The following ECHDC1 variants were observed in gnomAD, a reference collection of about 807,000 sequenced individuals.
ECHDC1 encodes the protein ethylmalonyl-CoA decarboxylase.
A neutral mutation model predicts 29.7 loss-of-function variants in ECHDC1; 29 were observed. The ratio of observed to expected loss-of-function variants is 0.98; its 90% CI spans 0.73 to 1.33. The LOEUF (loss-of-function observed/expected upper bound fraction) is 1.33, where lower values mean the gene tolerates loss of function less well. ECHDC1 is among the 40% of genes most tolerant of loss of function. The pLI, the probability that ECHDC1 is intolerant of heterozygous loss-of-function variation, is 0.00. For synonymous variants in ECHDC1, 126 were observed against 123.1 expected, an observed-to-expected ratio of 1.02 and a Z score of -0.15; for missense variants, 328 against 350.0, an observed-to-expected ratio of 0.94 and a Z score of 0.50.
chr6:127,319,175 G>C (rs1235406716), intron 3 of ECHDC1, among the ~76,000 whole-genome samples: 1 of 152,162 alleles, frequency 6.6e-6, no homozygotes, highest in East Asian at 1.9e-4. Context: ...GCAGTATGAA[G>C]TAAACGGTTA....
intron 5 of ECHDC1, among the ~76,000 whole-genome samples, chr6:127,291,295 T>TTTA (rs35004473): frequency 6.9e-6 from 1 of 145,596 alleles, no homozygotes; most frequent in Non-Finnish European, 1.5e-5. Flanking sequence ...TTTTTTTTTT[T>TTTA]AAGGAACTGG....
At chr6:127,339,901 A>C (rs1469144664) in intron 1 of ECHDC1, among the ~76,000 whole-genome samples, 1 of 152,130 alleles carries the variant, frequency 6.6e-6, no homozygotes, top group East Asian at 1.9e-4. Flanking sequence ...ATAAATAAAT[A>C]ATCTTTCACT....
rs371878419 is a variant in ECHDC1 at position 127,309,805 on chromosome 6, C to G, written c.497+5011G>C. ...TTTACAATCATGGCAGAAGGCGAAG[C>G]GGAAGCAGGCATATCTTCACATGAC... On this transcript the variant is annotated intron_variant, in intron 5 of 5. Coordinates refer to ENST00000454859, the MANE Select transcript of ECHDC1 (RefSeq NM_001002030.2). Among the ~76,000 whole-genome samples the G allele has an allele frequency of 5.3e-5, 8 of 152,218 alleles. No individual in the cohort carries two copies. The East Asian group carries it at 1.4e-3, about 26-fold the overall frequency.
intron 5 of ECHDC1, among the ~76,000 whole-genome samples, chr6:127,307,648 G>GAAAA (rs71024770): frequency 0.025 from 1,214 of 48,632 alleles, 120 homozygotes; most frequent in African/African-American, 0.075. Flanking sequence ...CTCTGTCTCA[G>GAAAA]AAAAAAAAAA....
In ECHDC1 at chr6:127,330,863, T is replaced by C. The variant is rs1412357849; in HGVS notation, c.166A>G (p.Asn56Asp). ...TTCAGAGTAAGAATGCCAATGCCAT[T>C]GTCTTCCTTCTGAAGGTCAATGGAT... is the stretch of plus-strand genomic sequence containing the variant. ...GGSIDLQKED[N>D]GIGILTLNNP... The change falls in exon 2 of 6, where the codon AAT (asparagine) becomes GAT (aspartate). Residue 56 changes from asparagine (N) to aspartate (D), a missense_variant. Coordinates refer to ENST00000454859, the MANE Select transcript of ECHDC1 (RefSeq NM_001002030.2). 57 of 1,614,040 alleles carry C rather than the reference T, an allele frequency of 3.5e-5. No homozygotes were observed. The highest frequency in any genetic ancestry group is 4.8e-5 in the Non-Finnish European group (57 of 1,180,024).
intron 5 of ECHDC1, chr6:127,313,574 T>C: frequency 4.4e-6 from 2 of 456,136 alleles, no homozygotes; most frequent in South Asian, 3.1e-5. Context: ...AGAATCACTT[T>C]CTCTTCAGTG....
At chr6:127,327,289 C>G in intron 2 of ECHDC1, 145 bp from the exon 3 acceptor site, 1 of 897,644 alleles carries the variant, frequency 1.1e-6, no homozygotes, top group Non-Finnish European at 1.6e-6. Context: ...GCCTACTGCA[C>G]TGGCACTATG....
At chr6:127,291,761 T>C (rs1481202529) in intron 5 of ECHDC1, among the ~76,000 whole-genome samples, 1 of 152,126 alleles carries the variant, frequency 6.6e-6, no homozygotes, top group Non-Finnish European at 1.5e-5. Context: ...ACTCAGTCTT[T>C]GACCCGAGAG....
intron 1 of ECHDC1, among the ~76,000 whole-genome samples, chr6:127,338,659 G>C (rs1784646262): frequency 6.6e-6 from 1 of 152,060 alleles, no homozygotes; most frequent in African/African-American, 2.4e-5. Context: ...TATAAAACCA[G>C]AATTATCCTA....
In ECHDC1 at chr6:127,290,255, T is replaced by A. The variant is rs753648793; in HGVS notation, c.520A>T (p.Ile174Phe). 28 of 1,613,174 alleles carry A rather than the reference T, an allele frequency of 1.7e-5. No homozygotes were observed. The Admixed American group carries it at 3.2e-4, about 18-fold the overall frequency. ...DFRLMTPESK[I>F]RFVHKEMGII... The stretch of plus-strand genomic sequence containing the variant: ...CCCATCTCTTTGTGGACGAATCTGA[T>A]CTTACTCTCTGGAGTCATTAACCTG... Residue 174 changes from isoleucine to phenylalanine, a missense_variant, in exon 6 of 6, where the codon ATC (isoleucine) becomes TTC (phenylalanine). Ile to Phe is a conservative substitution (Grantham distance 21). Transcript: ENST00000454859.
chr6:127,326,667 G>A (rs1783369503), intron 3 of ECHDC1: 1 of 377,854 alleles, frequency 2.6e-6, no homozygotes, highest in Admixed American at 3.1e-5. Flanking sequence ...GGCATTTGAG[G>A]GGGCTGGAGT....
chr6:127,341,681 C>G (rs1784960199), intron 1 of ECHDC1: 1 of 152,172 alleles, frequency 6.6e-6, no homozygotes, highest in South Asian at 2.1e-4. Flanking sequence ...AAAGGTCGCA[C>G]TTCCCATTTT....
chr6:127,329,413 A>G (rs2114676257), intron 2 of ECHDC1, among the ~76,000 whole-genome samples: 3 of 152,340 alleles, frequency 2.0e-5, no homozygotes, highest in Middle Eastern at 6.8e-3. Flanking sequence ...AACTTTTCAG[A>G]AATAAATCAT....
At chr6:127,336,271 A>G (rs1304360513) in intron 1 of ECHDC1, among the ~76,000 whole-genome samples, 1 of 152,186 alleles carries the variant, frequency 6.6e-6, no homozygotes, top group African/African-American at 2.4e-5. Context: ...GTGAAACTAA[A>G]TAAAATTTTT....
At chr6:127,339,661 T>C (rs1784743314) in intron 1 of ECHDC1, among the ~76,000 whole-genome samples, 1 of 151,172 alleles carries the variant, frequency 6.6e-6, no homozygotes, top group Admixed American at 6.6e-5. Flanking sequence ...TAATCCTAGT[T>C]ACTCAGGAGG....
intron 1 of ECHDC1, among the ~76,000 whole-genome samples, chr6:127,334,868 T>C (rs1476095736): frequency 1.3e-5 from 2 of 151,188 alleles, no homozygotes; most frequent in Non-Finnish European, 3.0e-5. Context: ...TTTTAACACA[T>C]TCCTCAAATC....
intron 5 of ECHDC1, among the ~76,000 whole-genome samples, chr6:127,311,214 T>G (rs1252038599): frequency 1.3e-5 from 2 of 152,112 alleles, no homozygotes; most frequent in African/African-American, 4.8e-5. Flanking sequence ...CATGCAACAC[T>G]GACTATGTAT....
chr6:127,303,336 A>G (rs1781196294), intron 5 of ECHDC1, among the ~76,000 whole-genome samples: 1 of 152,214 alleles, frequency 6.6e-6, no homozygotes, highest in Non-Finnish European at 1.5e-5. Flanking sequence ...CCAAGTTGTG[A>G]ATACAACAGG....
At chr6:127,323,791 C>T (rs1439394386) in intron 3 of ECHDC1, among the ~76,000 whole-genome samples, 1 of 152,060 alleles carries the variant, frequency 6.6e-6, no homozygotes, top group Non-Finnish European at 1.5e-5. Flanking sequence ...AATTTCATTT[C>T]CTTCCTTTCT....
Sources: allele counts gnomAD v4.1 joint callset (sites outside exome capture counted in the v4.1 genomes callset), GRCh38; gene constraint gnomAD v4.1.1; transcripts MANE v1.5; gene names NCBI Gene and HGNC (gene_info 2026-07-23, HGNC 2026-07-21).